The following MKRN2 variants were observed in gnomAD, a reference collection of about 807,000 sequenced individuals.
The protein encoded by MKRN2 is E3 ubiquitin-protein ligase makorin-2.
A neutral mutation model predicts 45.4 loss-of-function variants in MKRN2; 32 were observed. That is an observed-to-expected ratio of 0.70 (90% CI 0.53 to 0.95). MKRN2 has a LOEUF of 0.95. Ranked by LOEUF, MKRN2 falls within the 40% of genes least tolerant of loss-of-function variation. The pLI is 0.00. For missense variants in MKRN2, 526 were observed against 536.7 expected, an observed-to-expected ratio of 0.98 and a Z score of 0.20; for synonymous variants, 206 against 192.4, an observed-to-expected ratio of 1.07 and a Z score of -0.59.
intron 1 of MKRN2, among the ~76,000 whole-genome samples, chr3:12,565,883 T>C (rs930090584): frequency 6.6e-6 from 1 of 151,904 alleles, no homozygotes; most frequent in African/African-American, 2.4e-5. Context: ...GTTTTTTTGT[T>C]TGTTTTGAGA....
At chr3:12,573,641 C>T (rs2058113173) in intron 4 of MKRN2, among the ~76,000 whole-genome samples, 1 of 152,148 alleles carries the variant, frequency 6.6e-6, no homozygotes, top group Non-Finnish European at 1.5e-5. Flanking sequence ...CGCCTGTAAT[C>T]CCAGCACTTT....
At chr3:12,571,745 G>A (rs994635278) in intron 3 of MKRN2, among the ~76,000 whole-genome samples, 2 of 152,098 alleles carry the variant, frequency 1.3e-5, no homozygotes, top group African/African-American at 2.4e-5. Flanking sequence ...AGTGTTAACT[G>A]GTCCATGTGT....
At position 12,581,805 on chromosome 3, in the gene MKRN2, CA is replaced by C; in HGVS notation, c.969-2del. 1 of 1,613,610 alleles carries C rather than the reference CA, an allele frequency of 6.2e-7. No individual in the cohort carries two copies. Among genetic ancestry groups the C allele is most frequent in the South Asian group, 1.1e-5 (1 of 91,066 alleles). ...CTCTTGACTTTTTCTTTCTGCTTTT[CA>C]GGAAAAAAGCCTGTAAATACTTTGA... On this transcript the variant is annotated splice_acceptor_variant, in intron 6 of 7. Coordinates refer to ENST00000170447, the MANE Select transcript of MKRN2 (RefSeq NM_014160.5). LOFTEE classifies it high-confidence loss of function.
chr3:12,582,059 G>A lies in MKRN2; in HGVS notation c.1114-57G>A, dbSNP rs879124226. On this transcript the variant is annotated intron_variant, in intron 7 of 7. Transcript: ENST00000170447. ...GTAGGCAAAAGAACGATCAAGGAACGCAGCCTTCCTGTTGCTCTTAGCAGT... is the reference window on the plus strand; with the variant it reads ...GTAGGCAAAAGAACGATCAAGGAACACAGCCTTCCTGTTGCTCTTAGCAGT... 4.6e-5 allele frequency: 74 copies of A among 1,610,558 alleles called. 2 individuals carry two copies. In the South Asian group the frequency reaches 6.6e-4, roughly 14 times the overall value.
intron 1 of MKRN2, among the ~76,000 whole-genome samples, chr3:12,560,315 C>G (rs2058025560): frequency 1.3e-5 from 2 of 152,214 alleles, no homozygotes; most frequent in Middle Eastern, 3.4e-3. Flanking sequence ...ACTTCAGTGT[C>G]TTCACCACCA....
At chr3:12,559,967 G>A (rs1483959959) in intron 1 of MKRN2, among the ~76,000 whole-genome samples, 1 of 152,128 alleles carries the variant, frequency 6.6e-6, no homozygotes, top group African/African-American at 2.4e-5. Flanking sequence ...AAAACATGGG[G>A]GATCTTTTCA....
rs983610273 is a variant in MKRN2, at chr3:12,576,740, G to A, written c.967G>A (p.Gly323Arg). 2.5e-6 allele frequency: 4 copies of A among 1,590,906 alleles called. No homozygotes were observed. Among genetic ancestry groups the A allele is most frequent in the Non-Finnish European group, 3.4e-6 (4 of 1,160,004 alleles). ...GATTGAAGCTTTCAAACAGGGGATG[G>A]GGTAAGTGCTTTTGAGTTTCGACGT... is the stretch of plus-strand genomic sequence containing the variant. ...ELIEAFKQGM[G>R]KKACKYFEQG... Residue 323 changes from glycine to arginine, a missense_variant and splice_region_variant, in exon 6 of 8, where the codon GGG becomes AGG. By Grantham distance (125) the Gly-to-Arg change is moderately radical (BLOSUM62 -2). Transcript: ENST00000170447.
At chr3:12,575,837 T>C (rs1312593871) in intron 5 of MKRN2, among the ~76,000 whole-genome samples, 1 of 152,236 alleles carries the variant, frequency 6.6e-6, no homozygotes, top group Non-Finnish European at 1.5e-5. Flanking sequence ...TCATCCCGAC[T>C]GTAGCATGTG....
At chr3:12,558,695 G>T (rs1043446185) in intron 1 of MKRN2, among the ~76,000 whole-genome samples, 14 of 152,136 alleles carry the variant, frequency 9.2e-5, no homozygotes, top group Admixed American at 5.2e-4. Flanking sequence ...TTTTTTCCTT[G>T]TATACCTGGA....
At chr3:12,559,712 G>A (rs1436406773) in intron 1 of MKRN2, among the ~76,000 whole-genome samples, 1 of 152,066 alleles carries the variant, frequency 6.6e-6, no homozygotes, top group African/African-American at 2.4e-5. Flanking sequence ...TTGACATGCC[G>A]CTCTATCCAG....
chr3:12,576,363 G>C (rs747291730), intron 5 of MKRN2, among the ~76,000 whole-genome samples: 4 of 152,118 alleles, frequency 2.6e-5, no homozygotes, highest in Non-Finnish European at 5.9e-5. Flanking sequence ...TGCATTAGCT[G>C]TTTGTGCTGA....
Position 12,557,183 on chromosome 3 carries a change from G to A in MKRN2, c.26+7G>A. The A allele has an allele frequency of 6.5e-7, 1 of 1,536,122 alleles. No individual in the cohort carries two copies. The highest frequency in any genetic ancestry group is 8.7e-7 in the Non-Finnish European group (1 of 1,143,258). The stretch of plus-strand genomic sequence containing the variant: ...CCAAGCAGATCACTTGCAGGTCAGT[G>A]CGCTGGAGCCAGGAGCTTCGGGCCG... On this transcript the variant is annotated splice_region_variant and intron_variant, in intron 1 of 7. Transcript: ENST00000170447.
At chr3:12,575,141 A>C in intron 5 of MKRN2, 135 bp downstream of exon 5, 4 of 763,922 alleles carry the variant, frequency 5.2e-6, no homozygotes, top group Non-Finnish European at 8.4e-6. Flanking sequence ...CATGAACTTC[A>C]GCAAGTCATT....
Position 12,572,134 on chromosome 3 carries a change from G to C in MKRN2, c.403G>C (p.Asp135His), listed in dbSNP as rs372538092. 77 of 1,613,866 alleles carry C rather than the reference G, an allele frequency of 4.8e-5. No individual in the cohort carries two copies. The highest frequency in any genetic ancestry group is 6.2e-5 in the Non-Finnish European group (73 of 1,179,978). The change falls in exon 4 of 8, where the codon GAC becomes CAC. Residue 135 changes from aspartate (D) to histidine (H), a missense_variant. Physicochemically the swap from Asp to His is moderately conservative, Grantham distance 81. Transcript: ENST00000170447. ...SMVSNPGSCS[D>H]PQPSPEMKPH... is the part of the protein sequence containing the mutation. ...GGTGAGTAATCCAGGCAGCTGCAGC[G>C]ACCCCCAGCCCAGCCCCGAGATGAA... is the stretch of plus-strand genomic sequence containing the variant.
In MKRN2 at chr3:12,572,392, G is replaced by T. The variant is rs769606768; in HGVS notation, c.642+19G>T. ...TGAAAAGGTAAAGTCACAAACCTTT[G>T]CATGAACTCATGTTAAGAAATCTGA... On this transcript the variant is annotated intron_variant, in intron 4 of 7. Transcript: ENST00000170447. 1.3e-6 allele frequency: 2 copies of T among 1,533,550 alleles called. No individual in the cohort carries two copies. The highest frequency in any genetic ancestry group is 1.8e-6 in the Non-Finnish European group (2 of 1,137,456). The allele number at this position is 1,533,550 out of a possible 1,614,324, so 95.0% of individuals were successfully genotyped here.
chr3:12,571,041 G>T (rs1262531144), intron 3 of MKRN2, among the ~76,000 whole-genome samples: 1 of 152,146 alleles, frequency 6.6e-6, no homozygotes, highest in Admixed American at 6.5e-5. Context: ...AGGGTTTGGG[G>T]CATGGTCTGT....
Position 12,582,342 on chromosome 3 carries a change from G to GGTGACGT in MKRN2, c.*95_*101dup. On this transcript the variant is annotated 3_prime_UTR_variant, in exon 8 of 8. Coordinates refer to ENST00000170447, the MANE Select transcript of MKRN2 (RefSeq NM_014160.5). ...CGGAGCTTCCCTGTACTGCAGCCAA[G>GGTGACGT]GTGACGTGTGACTTGGATTTGAGTG... 1 of 1,531,944 alleles carries GGTGACGT rather than the reference G, an allele frequency of 6.5e-7. No individual in the cohort carries two copies. The highest frequency in any genetic ancestry group is 8.9e-7 in the Non-Finnish European group (1 of 1,120,334). The allele number at this position is 1,531,944 out of a possible 1,614,324, so 94.9% of individuals were successfully genotyped here. A position where few individuals can be genotyped will look rare whatever the true frequency, so the allele number is the denominator to read the frequency against.
chr3:12,569,568 A>T (rs1362268456), intron 2 of MKRN2, among the ~76,000 whole-genome samples: 3 of 152,190 alleles, frequency 2.0e-5, no homozygotes, highest in Non-Finnish European at 4.4e-5. Context: ...CAAAGAGCCG[A>T]TCTTTTCTTT....
At position 12,582,165 on chromosome 3, in the gene MKRN2, G is replaced by T; in HGVS notation, c.1163G>T (p.Arg388Leu). The T allele has an allele frequency of 1.9e-6, 3 of 1,614,072 alleles. No homozygotes were observed. Among genetic ancestry groups the T allele is most frequent in the Non-Finnish European group, 8.5e-7 (1 of 1,179,992 alleles). The stretch of plus-strand genomic sequence containing the variant: ...GATTTCATCGAGAACCGAGAAAGCC[G>T]GCATGTCCCCAACAATGAAGATGTC... Reference protein sequence around the residue: ...LWDFIENRESRHVPNNEDVDM... With the variant: ...LWDFIENRESLHVPNNEDVDM... Residue 388 changes from arginine (R) to leucine (L), a missense_variant, in exon 8 of 8, where the codon CGG becomes CTG. By Grantham distance (102) the Arg-to-Leu change is moderately radical. Coordinates refer to ENST00000170447, the MANE Select transcript of MKRN2 (RefSeq NM_014160.5).
Sources: gnomAD v4.1 joint callset for allele counts (sites outside exome capture counted in the v4.1 genomes callset) on GRCh38, gnomAD v4.1.1 for gene constraint, MANE v1.5 for transcripts, NCBI Gene and HGNC (gene_info 2026-07-23, HGNC 2026-07-21) for gene names.